Variants in FRMD8 observed in about 807,000 individuals in gnomAD.
FRMD8 encodes FERM domain containing 8.
FRMD8 carries 37 observed loss-of-function variants against 54.2 expected under a neutral mutation model. That is an observed-to-expected ratio of 0.68 (90% CI 0.53 to 0.90). The LOEUF (loss-of-function observed/expected upper bound fraction) is 0.90. Ranked by LOEUF, FRMD8 falls within the 40% of genes least tolerant of loss-of-function variation. The probability of loss-of-function intolerance (pLI) is 0.00; values close to 1 mark genes in which losing one functional copy is unlikely to be tolerated. For synonymous variants in FRMD8, 246 were observed against 286.9 expected, an observed-to-expected ratio of 0.86 and a Z score of 1.44; for missense variants, 585 against 653.7, an observed-to-expected ratio of 0.89 and a Z score of 1.15.
chr11:65,379,682 G>A, the FRMD8 span: 2 of 1,265,560 alleles, frequency 1.6e-6, no homozygotes, highest in Non-Finnish European at 1.1e-6. Flanking sequence ...AGGGAAGTGG[G>A]GACAGGCAGG....
chr11:65,400,005 A>G lies in FRMD8; in HGVS notation c.927+146A>G, dbSNP rs1856038405. The G allele has an allele frequency of 1.0e-6, 1 of 976,570 alleles. No individual in the cohort carries two copies. The highest frequency in any genetic ancestry group is 2.7e-5 in the East Asian group (1 of 37,702). The allele number at this position is 976,570 out of a possible 1,614,324, so 60.5% of individuals were successfully genotyped here. A position where few individuals can be genotyped will look rare whatever the true frequency, so the allele number is the denominator to read the frequency against. On this transcript the variant is annotated intron_variant, in intron 8 of 10. Transcript: ENST00000317568. The surrounding 1 kb of genome is among the most constrained non-coding windows in gnomAD (Gnocchi z 4.3). ...CCCTGCCTCCGTTGGATGTCCTCGT[A>G]GCCCCTGAGGGTGATCCTGGGTCCT...
chr11:65,399,719 C>A lies in FRMD8; in HGVS notation c.804-17C>A. On this transcript the variant is annotated splice_polypyrimidine_tract_variant and intron_variant, in intron 7 of 10. Coordinates refer to ENST00000317568, the MANE Select transcript of FRMD8 (RefSeq NM_031904.5). ...TTTCTGGTGCTGGCCGGAGGCTGAC[C>A]CCAGTCCCCTCCCCAGGTGTGCCTT... The A allele has an allele frequency of 6.2e-7, 1 of 1,613,442 alleles. No individual in the cohort carries two copies. Among genetic ancestry groups the A allele is most frequent in the Non-Finnish European group, 8.5e-7 (1 of 1,179,628 alleles).
At chr11:65,391,004 G>T (rs955820537) in intron 3 of FRMD8, among the ~76,000 whole-genome samples, 3 of 152,174 alleles carry the variant, frequency 2.0e-5, no homozygotes, top group Non-Finnish European at 2.9e-5. Context: ...TGTGACTTGG[G>T]CCCCCCCAGA....
intron 2 of FRMD8, 82 bp from the exon 3 acceptor site, chr11:65,389,279 G>A: frequency 7.2e-7 from 1 of 1,387,908 alleles, no homozygotes; most frequent in Admixed American, 1.7e-5. Flanking sequence ...CAGCCCCAGT[G>A]GGTGGTAGAG....
intron 7 of FRMD8, among the ~76,000 whole-genome samples, chr11:65,397,517 T>C (rs1045875031): frequency 1.3e-5 from 2 of 152,124 alleles, no homozygotes; most frequent in Non-Finnish European, 1.5e-5. Context: ...TTGGGCCTTG[T>C]GGTCAGAACA....
chr11:65,380,579 G>A, the FRMD8 span: 40 of 1,299,980 alleles, frequency 3.1e-5, no homozygotes, highest in East Asian at 1.9e-3. Context: ...TAATGTCGTC[G>A]CCGGGATCCA....
chr11:65,388,297 C>T (rs145084179), intron 2 of FRMD8, among the ~76,000 whole-genome samples: 4 of 152,280 alleles, frequency 2.6e-5, no homozygotes, highest in Non-Finnish European at 5.9e-5. Context: ...TCTGGTGCCT[C>T]AGTTCTTGCC....
the FRMD8 span, among the ~76,000 whole-genome samples, chr11:65,370,205 A>G: frequency 2.0e-5 from 3 of 151,316 alleles, no homozygotes; most frequent in South Asian, 6.2e-4. Context: ...TGGGCAACAG[A>G]GCGAGACTGT....
chr11:65,370,036 AAAAT>A, the FRMD8 span, among the ~76,000 whole-genome samples: 8 of 151,360 alleles, frequency 5.3e-5, no homozygotes, highest in East Asian at 1.9e-4. Flanking sequence ...TGTCTCCAAA[AAAAT>A]AAATAAATAA....
upstream of FRMD8, among the ~76,000 whole-genome samples, chr11:65,385,788 A>G (rs528979263): frequency 1.4e-4 from 21 of 151,158 alleles, no homozygotes; most frequent in Admixed American, 5.3e-4. Flanking sequence ...TGATTTAGAC[A>G]TATATATATA....
At chr11:65,395,276 C>T (rs1295930166) in intron 6 of FRMD8, among the ~76,000 whole-genome samples, 2 of 151,876 alleles carry the variant, frequency 1.3e-5, no homozygotes, top group Admixed American at 6.6e-5. Context: ...GGTGCGGTGG[C>T]TCACGCCTGT....
In FRMD8 at chr11:65,405,031, G is replaced by A. The variant is rs1478956059; in HGVS notation, c.1239G>A (p.Arg413=). ...GGCAGGGCAGTGTGGTGTCCAGCCG[G>A]ATCCAGCATCTCTCCACCATCGACT... ...LRRQGSVVSS[R]IQHLSTIDYV... is the part of the protein sequence containing the mutation. Residue 413 remains arginine (R), a synonymous_variant, in exon 10 of 11, where the codon CGG becomes CGA. Transcript: ENST00000317568. 2 of 1,613,544 alleles carry A rather than the reference G, an allele frequency of 1.2e-6. No individual in the cohort carries two copies. Among genetic ancestry groups the A allele is most frequent in the Admixed American group, 3.3e-5 (2 of 60,032 alleles).
At chr11:65,403,714 C>T (rs1302567699) in intron 9 of FRMD8, among the ~76,000 whole-genome samples, 1 of 152,226 alleles carries the variant, frequency 6.6e-6, no homozygotes, top group African/African-American at 2.4e-5. Context: ...TGCGCTTCAT[C>T]AGGTTGAGGA....
At chr11:65,379,730 C>A in the FRMD8 span, 2 of 1,297,830 alleles carry the variant, frequency 1.5e-6, no homozygotes, top group Admixed American at 2.1e-5. Flanking sequence ...GCTAAGCTAC[C>A]ACCCAGGCCC....
At chr11:65,386,475 G>T (rs1460529601), upstream of FRMD8, 1 of 153,292 alleles carries the variant, frequency 6.5e-6, no homozygotes, top group African/African-American at 2.4e-5. Flanking sequence ...TGGTGGCGGG[G>T]CTGGTACGTG....
intron 6 of FRMD8, among the ~76,000 whole-genome samples, chr11:65,395,412 G>C (rs1440450565): frequency 6.6e-6 from 1 of 151,940 alleles, no homozygotes; most frequent in African/African-American, 2.4e-5. Context: ...GGTGGTGCAT[G>C]CCTGTAATCC....
chr11:65,396,956 G>A lies in FRMD8; in HGVS notation c.739G>A (p.Glu247Lys), dbSNP rs745445330. Residue 247 changes from glutamate (E) to lysine (K), a missense_variant, in exon 7 of 11, where the codon GAG becomes AAG. Physicochemically the swap from Glu to Lys is moderately conservative, Grantham distance 56. Coordinates refer to ENST00000317568, the MANE Select transcript of FRMD8 (RefSeq NM_031904.5). ...GGAGGTCAGCAGCGACGGCGGGTGC[G>A]AGGCCGCCCTGGGCACCCACTACCG... The part of the protein sequence containing the change: ...VQEVSSDGGC[E>K]AALGTHYRAY... 34 of 1,516,384 alleles carry A rather than the reference G, an allele frequency of 2.2e-5. No homozygotes were observed. The highest frequency in any genetic ancestry group is 2.8e-5 in the African/African-American group (2 of 71,476). The allele number at this position is 1,516,384 out of a possible 1,614,324, so 93.9% of individuals were successfully genotyped here. A position where few individuals can be genotyped will look rare whatever the true frequency, so the allele number is the denominator to read the frequency against.
At chr11:65,381,784 C>T, upstream of FRMD8, 1 of 1,161,568 alleles carries the variant, frequency 8.6e-7, no homozygotes, top group Non-Finnish European at 1.3e-6. Flanking sequence ...TCTCAAACTC[C>T]TGGGCTCAAG....
the FRMD8 span, chr11:65,375,366 G>C: frequency 6.6e-6 from 1 of 152,424 alleles, no homozygotes; most frequent in African/African-American, 2.4e-5. Flanking sequence ...GCATGTGTGT[G>C]GGTAGGGTGT....
Sources: allele counts gnomAD v4.1 joint callset (sites outside exome capture counted in the v4.1 genomes callset), GRCh38; gene constraint gnomAD v4.1.1; non-coding constraint Gnocchi (gnomAD v3.1); transcripts MANE v1.5; gene names NCBI Gene and HGNC (gene_info 2026-07-23, HGNC 2026-07-21).